ADCY2: variants seen among roughly 807,000 people sequenced by gnomAD.
ADCY2 encodes adenylate cyclase type 2.
In ADCY2, 31 loss-of-function variants were observed where a neutral mutation model predicts 125.2. The observed-to-expected ratio is 0.25, with a 90% confidence interval of 0.19 to 0.33. ADCY2 has a LOEUF of 0.33. Ranked by LOEUF, ADCY2 falls within the 10% of genes least tolerant of loss-of-function variation. The pLI is 1.00. For synonymous variants in ADCY2, 512 were observed against 548.4 expected, an observed-to-expected ratio of 0.93 and a Z score of 0.93; for missense variants, 904 against 1,418.2, an observed-to-expected ratio of 0.64 and a Z score of 5.82.
At chr5:7,649,747 C>G (rs4702484) in intron 4 of ADCY2, among the ~76,000 whole-genome samples, 2 of 152,126 alleles carry the variant, frequency 1.3e-5, no homozygotes, top group Admixed American at 1.3e-4. Flanking sequence ...AGTCCAACTG[C>G]TTAGTATAGT....
At chr5:7,616,132 G>C (rs1053556699) in intron 3 of ADCY2, among the ~76,000 whole-genome samples, 2 of 152,116 alleles carry the variant, frequency 1.3e-5, no homozygotes, top group African/African-American at 4.8e-5. Flanking sequence ...AAAGATTAAT[G>C]AGTATTATGA....
At chr5:7,803,459 G>A (rs1177681283) in intron 21 of ADCY2, among the ~76,000 whole-genome samples, 1 of 152,190 alleles carries the variant, frequency 6.6e-6, no homozygotes, top group African/African-American at 2.4e-5. Context: ...ACCTTCCAGG[G>A]CATCCTTCAT....
At chr5:7,459,043 G>T (rs1010698563) in intron 2 of ADCY2, among the ~76,000 whole-genome samples, 1 of 152,184 alleles carries the variant, frequency 6.6e-6, no homozygotes, top group Non-Finnish European at 1.5e-5. Flanking sequence ...AGGTCTGTGC[G>T]TTGGCTGGGA....
intron 3 of ADCY2, among the ~76,000 whole-genome samples, chr5:7,538,928 A>G (rs548291135): frequency 7.1e-6 from 1 of 141,584 alleles, no homozygotes; most frequent in South Asian, 2.2e-4. Context: ...CAGTGGCACG[A>G]TCTCAGCTCA....
At chr5:7,593,472 G>A (rs73048193) in intron 3 of ADCY2, among the ~76,000 whole-genome samples, 3,565 of 152,130 alleles carry the variant, frequency 0.023, 130 homozygotes, top group African/African-American at 0.081. Flanking sequence ...CCCCATGAGC[G>A]TATTCATTTC....
chr5:7,491,748 C>A (rs1433307349), intron 2 of ADCY2, among the ~76,000 whole-genome samples: 1 of 151,956 alleles, frequency 6.6e-6, no homozygotes, highest in African/African-American at 2.4e-5. Flanking sequence ...TAATATGAAA[C>A]TAATTTTTTA....
intron 5 of ADCY2, among the ~76,000 whole-genome samples, chr5:7,692,483 A>G (rs1290494990): frequency 6.6e-6 from 1 of 152,228 alleles, no homozygotes; most frequent in Non-Finnish European, 1.5e-5. Context: ...CACACATGTT[A>G]AGGAGTAAAA....
At chr5:7,560,152 G>C (rs1735663382) in intron 3 of ADCY2, among the ~76,000 whole-genome samples, 1 of 152,140 alleles carries the variant, frequency 6.6e-6, no homozygotes, top group East Asian at 1.9e-4. Flanking sequence ...CTGGAAACTG[G>C]GTAAATGTCA....
chr5:7,454,930 C>T (rs1741613439), intron 2 of ADCY2, among the ~76,000 whole-genome samples: 2 of 152,048 alleles, frequency 1.3e-5, no homozygotes, highest in African/African-American at 2.4e-5. Flanking sequence ...GATAAATCCC[C>T]CTCATGCATA....
intron 3 of ADCY2, among the ~76,000 whole-genome samples, chr5:7,601,320 G>GA (rs11412492): frequency 0.053 from 7,969 of 150,804 alleles, 608 homozygotes; most frequent in African/African-American, 0.17. Flanking sequence ...GAATTAAAAA[G>GA]AAAAAAAAAC....
chr5:7,464,637 G>A (rs766415337), intron 2 of ADCY2, among the ~76,000 whole-genome samples: 1 of 152,242 alleles, frequency 6.6e-6, no homozygotes, highest in Non-Finnish European at 1.5e-5. Flanking sequence ...GTGGGGTGCA[G>A]GGCTCTCTGT....
At chr5:7,655,679 TG>T (rs1350513848) in intron 4 of ADCY2, among the ~76,000 whole-genome samples, 1 of 152,224 alleles carries the variant, frequency 6.6e-6, no homozygotes, top group Non-Finnish European at 1.5e-5. Context: ...CCAGAAATCA[TG>T]GCTCATCTGG....
At chr5:7,492,325 A>G (rs1743192799) in intron 2 of ADCY2, among the ~76,000 whole-genome samples, 1 of 152,168 alleles carries the variant, frequency 6.6e-6, no homozygotes, top group Admixed American at 6.5e-5. Context: ...ACAGGATGGA[A>G]TGTTTTGCAT....
chr5:7,614,907 G>A (rs557449956), intron 3 of ADCY2, among the ~76,000 whole-genome samples: 1 of 152,192 alleles, frequency 6.6e-6, no homozygotes, highest in Non-Finnish European at 1.5e-5. Flanking sequence ...TTGCATTGCT[G>A]TAAGGAACTA....
At chr5:7,495,714 T>C (rs1455899119) in intron 2 of ADCY2, among the ~76,000 whole-genome samples, 13 of 152,224 alleles carry the variant, frequency 8.5e-5, no homozygotes, top group African/African-American at 3.1e-4. Context: ...TACCTTTTTT[T>C]CCCTCTGGAA....
chr5:7,827,177 T>C lies in ADCY2; in HGVS notation c.*306T>C, dbSNP rs1745513095. On this transcript the variant is annotated 3_prime_UTR_variant, in exon 25 of 25. Coordinates refer to ENST00000338316, the MANE Select transcript of ADCY2 (RefSeq NM_020546.3). ...ACACACATTCTTAAGGCAATAAAAC[T>C]AGGGGGTGTATATTATCTTCTGGTG... The C allele has an allele frequency of 3.5e-6, 1 of 289,416 alleles. No individual in the cohort carries two copies. The highest frequency in any genetic ancestry group is 4.7e-5 in the Admixed American group (1 of 21,090). 17.9% of individuals were successfully genotyped at this position (289,416 alleles called of 1,614,324 possible).
intron 4 of ADCY2, among the ~76,000 whole-genome samples, chr5:7,687,452 G>T (rs1034707779): frequency 1.1e-4 from 16 of 152,170 alleles, no homozygotes; most frequent in African/African-American, 3.9e-4. Context: ...ACAAGGGTCT[G>T]GTTACAGTAA....
chr5:7,614,010 G>A (rs182355414), intron 3 of ADCY2, among the ~76,000 whole-genome samples: 2 of 152,358 alleles, frequency 1.3e-5, no homozygotes, highest in Admixed American at 1.3e-4. Flanking sequence ...AGCACTGGGA[G>A]GACAGGCTTT....
At chr5:7,570,062 T>C (rs1337758614) in intron 3 of ADCY2, among the ~76,000 whole-genome samples, 1 of 152,136 alleles carries the variant, frequency 6.6e-6, no homozygotes, top group African/African-American at 2.4e-5. Context: ...TAGATTAAGG[T>C]CACACAATCA....
Sources: gnomAD v4.1 joint callset for allele counts (sites outside exome capture counted in the v4.1 genomes callset) on GRCh38, gnomAD v4.1.1 for gene constraint, MANE v1.5 for transcripts, NCBI Gene and HGNC (gene_info 2026-07-23, HGNC 2026-07-21) for gene names.